Variants in GCN1 observed in about 807,000 individuals in gnomAD.
The protein encoded by GCN1 is GCN1 activator of EIF2AK4.
Under a neutral mutation model 288.4 loss-of-function variants are expected in GCN1, and 90 were observed. The ratio of observed to expected loss-of-function variants is 0.31; its 90% CI spans 0.26 to 0.37. The LOEUF is 0.37. Among genes scored for constraint, GCN1 ranks in the 10% least tolerant of loss-of-function variants. The pLI, the probability that GCN1 is intolerant of heterozygous loss-of-function variation, is 1.00. For synonymous variants in GCN1, 1,386 were observed against 1,420.2 expected (o/e 0.98, Z 0.54); for missense variants, 2,586 against 3,419.9 (o/e 0.76, Z 6.08).
chr12:120,156,957 C>A lies in GCN1; in HGVS notation c.3123G>T (p.Leu1041=), dbSNP rs1185337497. 5 of 1,613,374 alleles carry A rather than the reference C, an allele frequency of 3.1e-6. No homozygotes were observed. Among genetic ancestry groups the A allele is most frequent in the Non-Finnish European group, 4.2e-6 (5 of 1,179,522 alleles). Residue 1041 remains leucine, a synonymous_variant, in exon 27 of 58, where the codon CTG becomes CTT. Coordinates refer to ENST00000300648, the MANE Select transcript of GCN1 (RefSeq NM_006836.2). This position sits in a 1 kb window ranked among gnomAD's most constrained non-coding sequence, Gnocchi z 5.8. ...GPELLPRVAM[L]RLLTWVIGTG... is the part of the protein sequence containing the mutation. The stretch of plus-strand genomic sequence containing the variant: ...TCCCGATCACCCAAGTCAGAAGACG[C>A]AGCATGGCCACGCGAGGCAGCAACT...
chr12:120,163,645 G>A (rs1446336932), intron 18 of GCN1, among the ~76,000 whole-genome samples: 15 of 152,054 alleles, frequency 9.9e-5, no homozygotes, highest in Non-Finnish European at 1.8e-4. Context: ...CCCTCCGTCG[G>A]GGGAGACCCT....
chr12:120,163,425 T>G (rs1242522554), intron 18 of GCN1, among the ~76,000 whole-genome samples, 166 bp from the exon 19 acceptor site: 1 of 152,142 alleles, frequency 6.6e-6, no homozygotes, highest in Non-Finnish European at 1.5e-5. Flanking sequence ...CCACAGGCTG[T>G]GAGATGTGCC....
chr12:120,144,393 C>T lies in GCN1; in HGVS notation c.5408G>A (p.Arg1803Gln), dbSNP rs760797911. The T allele has an allele frequency of 1.1e-5, 18 of 1,614,052 alleles. No individual in the cohort carries two copies. The highest frequency in any genetic ancestry group is 1.6e-4 in the Middle Eastern group (1 of 6,084). The stretch of plus-strand genomic sequence containing the variant: ...TGTCTCAGCGTACATGGAGATAACC[C>T]GCTGGCCCGCGCGCAGGGCGGTGTC... ...VRDTALRAGQ[R>Q]VISMYAETAI... is the part of the protein sequence containing the mutation. Residue 1803 changes from arginine (R) to glutamine (Q), a missense_variant, in exon 42 of 58, where the codon CGG becomes CAG. Arg to Gln is a conservative substitution (Grantham distance 43). This residue lies in a region of GCN1 where 371 missense variants were observed against 572.6 expected (regional missense o/e 0.65). Coordinates refer to ENST00000300648, the MANE Select transcript of GCN1 (RefSeq NM_006836.2). This position sits in a 1 kb window ranked among gnomAD's most constrained non-coding sequence, Gnocchi z 4.7.
chr12:120,134,336 C>T lies in GCN1; in HGVS notation c.7272G>A (p.Arg2424=). 1 of 1,614,108 alleles carries T rather than the reference C, an allele frequency of 6.2e-7. No homozygotes were observed. The highest frequency in any genetic ancestry group is 8.5e-7 in the Non-Finnish European group (1 of 1,179,980). The change falls in exon 53 of 58, where the codon CGG becomes CGA. Residue 2424 remains arginine, a synonymous_variant. Coordinates refer to ENST00000300648, the MANE Select transcript of GCN1 (RefSeq NM_006836.2). The surrounding 1 kb of genome is among the most constrained non-coding windows in gnomAD (Gnocchi z 5.0). ...GAGAKVDAVI[R]KNIVSLLLSM... Reference sequence around the variant, plus strand: ...TCAGCAGGAGTGAGACGATGTTTTTCCGGATGACGGCATCCACTTTGGCCC... The same window carrying T: ...TCAGCAGGAGTGAGACGATGTTTTTTCGGATGACGGCATCCACTTTGGCCC...
chr12:120,162,308 A>T, intron 20 of GCN1: 1 of 511,166 alleles, frequency 2.0e-6, no homozygotes, highest in Non-Finnish European at 3.5e-6. Context: ...TCCGTGGTTC[A>T]GGTGGAGCTG....
At chr12:120,184,371 A>G (rs1878756628) in intron 3 of GCN1, 128 bp from the exon 4 acceptor site, 1 of 765,840 alleles carries the variant, frequency 1.3e-6, no homozygotes, top group Non-Finnish European at 2.1e-6. Flanking sequence ...TGGATAACAG[A>G]GAAGGGATTA....
rs1395532915 is a variant in GCN1, at chr12:120,157,939, C to T, written c.2997G>A (p.Glu999=). 4.3e-6 allele frequency: 7 copies of T among 1,613,928 alleles called. No individual in the cohort carries two copies. The highest frequency in any genetic ancestry group is 2.7e-5 in the African/African-American group (2 of 74,954). ...GAAGAATCTGGGCCATCCACTCCTC[C>T]TCCTCCTCACTGTGGTGGGGCATCT... is the stretch of plus-strand genomic sequence containing the variant. ...LTEMPHHSEE[E]EEWMAQILQI... is the part of the protein sequence containing the mutation. Residue 999 remains glutamate, a synonymous_variant, in exon 26 of 58, where the codon GAG becomes GAA. Coordinates refer to ENST00000300648, the MANE Select transcript of GCN1 (RefSeq NM_006836.2).
chr12:120,138,037 G>C lies in GCN1; in HGVS notation c.6257C>G (p.Thr2086Arg). Residue 2086 changes from threonine to arginine, a missense_variant, in exon 48 of 58, where the codon ACG becomes AGG. By Grantham distance (71) the Thr-to-Arg change is moderately conservative (BLOSUM62 -1). This residue lies in a region of GCN1 where 437 missense variants were observed against 570.5 expected (regional missense o/e 0.77). Transcript: ENST00000300648. ...CAGCACCCGGGTGTTGACAGGTGGC[G>C]TTGTCAGCTGGTGGAATGACAAACA... ...VLPYLVPKLT[T>R]PPVNTRVLAF... 6.2e-7 allele frequency: 1 copy of C among 1,612,250 alleles called. No individual in the cohort carries two copies. The highest frequency in any genetic ancestry group is 1.3e-5 in the African/African-American group (1 of 75,002).
chr12:120,166,128 C>T lies in GCN1; in HGVS notation c.1613-1407G>A, dbSNP rs972035998. Among the ~76,000 whole-genome samples the T allele has an allele frequency of 3.3e-5, 5 of 151,448 alleles. 1 individual carries two copies. Among genetic ancestry groups the T allele is most frequent in the African/African-American group, 9.7e-5 (4 of 41,420 alleles). ...TTAATAATTAAAAATTACGGCCAGGCACAGTGGCTCACGCCTGTAATCCCA... is the reference window on the plus strand; with the variant it reads ...TTAATAATTAAAAATTACGGCCAGGTACAGTGGCTCACGCCTGTAATCCCA... On this transcript the variant is annotated intron_variant, in intron 16 of 57. Coordinates refer to ENST00000300648, the MANE Select transcript of GCN1 (RefSeq NM_006836.2).
rs375261466 is a variant in GCN1, at chr12:120,137,666, C to T, written c.6542G>A (p.Arg2181His). Residue 2181 changes from arginine (R) to histidine (H), a missense_variant, in exon 49 of 58, where the codon CGC becomes CAC. Arg to His is a conservative substitution (Grantham distance 29). Around this residue, in one of 8 missense-constraint regions of GCN1, gnomAD observed 437 missense variants for 570.5 expected, o/e 0.77. Coordinates refer to ENST00000300648, the MANE Select transcript of GCN1 (RefSeq NM_006836.2). The surrounding 1 kb of genome is among the most constrained non-coding windows in gnomAD (Gnocchi z 5.2). Reference sequence around the variant, plus strand: ...GTGGCTGGTGTAGTCAGCCTTTGAGCGGGAACAGTAGATGTTGAGGATGAT... The same window carrying T: ...GTGGCTGGTGTAGTCAGCCTTTGAGTGGGAACAGTAGATGTTGAGGATGAT... ...AAIILNIYCS[R>H]SKADYTSHLR... is the part of the protein sequence containing the mutation. The T allele has an allele frequency of 1.3e-5, 21 of 1,614,110 alleles. No homozygotes were observed. The highest frequency in any genetic ancestry group is 1.8e-5 in the Non-Finnish European group (21 of 1,180,008).
At chr12:120,180,862 C>T (rs60231227) in intron 5 of GCN1, among the ~76,000 whole-genome samples, 3,766 of 151,724 alleles carry the variant, frequency 0.025, 157 homozygotes, top group African/African-American at 0.085. Context: ...TGGTGGCAGG[C>T]GCCTGTAGTC....
Position 120,151,174 on chromosome 12 carries a change from T to C in GCN1, c.4280A>G (p.Gln1427Arg). ...EMMAALTDAI[Q>R]DKKNFRRREG... Reference sequence around the variant, plus strand: ...TCGCCGGCGGAAGTTCTTCTTATCTTGGATGGCATCAGTCAGTGCCGCCAT... The same window carrying C: ...TCGCCGGCGGAAGTTCTTCTTATCTCGGATGGCATCAGTCAGTGCCGCCAT... The change falls in exon 34 of 58, where the codon CAA becomes CGA. Residue 1427 changes from glutamine (Q) to arginine (R), a missense_variant. By Grantham distance (43) the Gln-to-Arg change is conservative (BLOSUM62 1). Coordinates refer to ENST00000300648, the MANE Select transcript of GCN1 (RefSeq NM_006836.2). 3 of 1,613,956 alleles carry C rather than the reference T, an allele frequency of 1.9e-6. No homozygotes were observed. Among genetic ancestry groups the C allele is most frequent in the Non-Finnish European group, 2.5e-6 (3 of 1,179,998 alleles).
chr12:120,177,532 T>A lies in GCN1; in HGVS notation c.753A>T (p.Arg251=), dbSNP rs976667243. The change falls in exon 9 of 58, where the codon CGA becomes CGT. Residue 251 remains arginine (R), a synonymous_variant. Transcript: ENST00000300648. The part of the protein sequence containing the change: ...YLLDSCAPLL[R]YLSHSEFKDL... ...CCTTAAATTCTGAGTGGGACAGGTA[T>A]CGGAGCAGAGGGGCACAGCTATCCT... is the stretch of plus-strand genomic sequence containing the variant. 3 of 1,611,382 alleles carry A rather than the reference T, an allele frequency of 1.9e-6. No individual in the cohort carries two copies. The African/African-American group carries it at 4.0e-5, about 22-fold the overall frequency.
chr12:120,194,608 A>G, intron 1 of GCN1, 72 bp downstream of exon 1: 1 of 1,382,588 alleles, frequency 7.2e-7, no homozygotes, highest in Non-Finnish European at 9.8e-7. Context: ...GAGGAGCGAG[A>G]GGGGCCCCGC....
intron 14 of GCN1, among the ~76,000 whole-genome samples, chr12:120,170,629 A>AG (rs1260534142): frequency 4.0e-5 from 6 of 151,204 alleles, no homozygotes; most frequent in Admixed American, 6.6e-5. Context: ...ACCAACATGG[A>AG]GAAACCCCGT....
At chr12:120,179,543 G>A (rs1283230929) in intron 5 of GCN1, among the ~76,000 whole-genome samples, 2 of 152,034 alleles carry the variant, frequency 1.3e-5, no homozygotes, top group Non-Finnish European at 2.9e-5. Context: ...AGGACTACAG[G>A]TGTCCACCAC....
Position 120,151,279 on chromosome 12 carries a change from G to C in GCN1, c.4175C>G (p.Ala1392Gly). The C allele has an allele frequency of 6.2e-7, 1 of 1,614,158 alleles. No homozygotes were observed. The highest frequency in any genetic ancestry group is 8.5e-7 in the Non-Finnish European group (1 of 1,180,034). The change falls in exon 34 of 58, where the codon GCA becomes GGA. Residue 1392 changes from alanine (A) to glycine (G), a missense_variant. Physicochemically the swap from Ala to Gly is moderately conservative, Grantham distance 60. This residue lies in a region of GCN1 where 332 missense variants were observed against 403.0 expected (regional missense o/e 0.82). Transcript: ENST00000300648. ...MQQLLESDKY[A>G]ERKGAAYGLA... ...GCCATAGGCGGCCCCTTTGCGCTCT[G>C]CGTACTTGTCTGACTCCAGCAGCTG...
chr12:120,155,328 T>G lies in GCN1; in HGVS notation c.3543A>C (p.Glu1181Asp). ...AACGTGCCACTGCTTGGGAGAGGGC[T>G]TCGGCCCCTGCCTGCCTTACAGCCG... ...HEAAVRQAGA[E>D]ALSQAVARYQ... The change falls in exon 30 of 58, where the codon GAA becomes GAC. Residue 1181 changes from glutamate to aspartate, a missense_variant. This residue lies in a region of GCN1 where 332 missense variants were observed against 403.0 expected (regional missense o/e 0.82). Coordinates refer to ENST00000300648, the MANE Select transcript of GCN1 (RefSeq NM_006836.2). This position sits in a 1 kb window ranked among gnomAD's most constrained non-coding sequence, Gnocchi z 4.9. The G allele has an allele frequency of 6.2e-7, 1 of 1,614,190 alleles. No homozygotes were observed. The highest frequency in any genetic ancestry group is 2.2e-5 in the East Asian group (1 of 44,886).
Position 120,153,430 on chromosome 12 carries a change from G to A in GCN1, c.3868-23C>T, listed in dbSNP as rs1192150752. 4.4e-6 allele frequency: 7 copies of A among 1,608,220 alleles called. No homozygotes were observed. In the Admixed American group the frequency reaches 8.4e-5, roughly 19 times the overall value. ...CTCCTGGAAAGCCAAACCCCTCAGA[G>A]CCTCAGGTCAACCCTACAGGCTGCA... On this transcript the variant is annotated intron_variant, in intron 32 of 57. Coordinates refer to ENST00000300648, the MANE Select transcript of GCN1 (RefSeq NM_006836.2). This position sits in a 1 kb window ranked among gnomAD's most constrained non-coding sequence, Gnocchi z 4.4.
Sources: allele counts gnomAD v4.1 joint callset (sites outside exome capture counted in the v4.1 genomes callset), GRCh38; gene constraint gnomAD v4.1.1; regional missense constraint gnomAD v4.1.1; non-coding constraint Gnocchi (gnomAD v3.1); transcripts MANE v1.5; gene names NCBI Gene and HGNC (gene_info 2026-07-23, HGNC 2026-07-21).